DOCK5: variants seen among roughly 807,000 people sequenced by gnomAD.
The protein encoded by DOCK5 is dedicator of cytokinesis protein 5.
In DOCK5, 142 loss-of-function variants were observed where a neutral mutation model predicts 251.8. The observed-to-expected ratio is 0.56, with a 90% confidence interval of 0.49 to 0.65. DOCK5 has a LOEUF of 0.65. Ranked by LOEUF, DOCK5 falls within the 30% of genes least tolerant of loss-of-function variation. The pLI is 0.00. For missense variants in DOCK5, 2,111 were observed against 2,312.3 expected, an observed-to-expected ratio of 0.91 and a Z score of 1.79; for synonymous variants, 842 against 835.5, an observed-to-expected ratio of 1.01 and a Z score of -0.13.
At chr8:25,310,074 C>T (rs1485853693) in intron 12 of DOCK5, among the ~76,000 whole-genome samples, 2 of 151,952 alleles carry the variant, frequency 1.3e-5, no homozygotes, top group Non-Finnish European at 2.9e-5. Flanking sequence ...TTGCTATATA[C>T]TATAGTGTTT....
chr8:25,249,431 A>G lies in DOCK5; in HGVS notation c.127+5674A>G, dbSNP rs547823455. On this transcript the variant is annotated intron_variant, in intron 2 of 51. Transcript: ENST00000276440. ...TGCAGAGGGTTGGGCAAATATCATC[A>G]CTATCTACTTTCAGAACACTTTCAT... 8.5e-5 allele frequency among the ~76,000 whole-genome samples: 13 copies of G among 152,308 alleles called. No individual in the cohort carries two copies. The South Asian group carries it at 2.5e-3, about 29-fold the overall frequency.
At position 25,332,263 on chromosome 8, in the gene DOCK5, G is replaced by T; in HGVS notation, c.1916G>T (p.Gly639Val). 1 of 1,613,434 alleles carries T rather than the reference G, an allele frequency of 6.2e-7. No homozygotes were observed. ...TKLTQNVDLL[G>V]LLNWRSNSQN... ...TTGTTCTTCCTAGTTGACCTGTTAG[G>T]CTTGTTAAATTGGCGTTCCAACTCC... The change falls in exon 19 of 52, where the codon GGC becomes GTC. Residue 639 changes from glycine to valine, a missense_variant. Gly to Val is a moderately radical substitution (Grantham distance 109, BLOSUM62 -3). This residue lies in a region of DOCK5 where 1,717 missense variants were observed against 1,892.4 expected (regional missense o/e 0.91). Coordinates refer to ENST00000276440, the MANE Select transcript of DOCK5 (RefSeq NM_024940.8).
At chr8:25,395,930 G>A in intron 45 of DOCK5, 4 of 673,110 alleles carry the variant, frequency 5.9e-6, no homozygotes, top group Non-Finnish European at 7.8e-6. Context: ...ACCTAGTAAA[G>A]CGTCACAGAA....
chr8:25,256,343 A>G (rs1803419982), intron 2 of DOCK5, among the ~76,000 whole-genome samples: 1 of 152,194 alleles, frequency 6.6e-6, no homozygotes, highest in Non-Finnish European at 1.5e-5. Flanking sequence ...ATGCCAGTGT[A>G]AGAATCTGTT....
At chr8:25,271,019 CT>C in intron 3 of DOCK5, 1 of 440,190 alleles carries the variant, frequency 2.3e-6, no homozygotes, top group Non-Finnish European at 4.0e-6. Flanking sequence ...CTTTTTTTTT[CT>C]ATATTTTTAA....
intron 22 of DOCK5, among the ~76,000 whole-genome samples, chr8:25,338,629 T>C (rs541238034): frequency 6.6e-6 from 1 of 152,336 alleles, no homozygotes; most frequent in East Asian, 1.9e-4. Context: ...ATTTGCTTTC[T>C]TTTCAGAAGG....
rs189312442 is a variant in DOCK5, at chr8:25,263,098, C to A, written c.128-5747C>A. 2.2e-3 allele frequency among the ~76,000 whole-genome samples: 339 copies of A among 152,010 alleles called. 11 individuals are homozygous for A. Among genetic ancestry groups the A allele is most frequent in the African/African-American group, 8.0e-3 (331 of 41,294 alleles). Reference sequence around the variant, plus strand: ...TTCTTCATTCTCTGTGAATTTACCTCTATTTCATACTCAAGGTTGCTGACA... The same window carrying A: ...TTCTTCATTCTCTGTGAATTTACCTATATTTCATACTCAAGGTTGCTGACA... On this transcript the variant is annotated intron_variant, in intron 2 of 51. Coordinates refer to ENST00000276440, the MANE Select transcript of DOCK5 (RefSeq NM_024940.8).
At chr8:25,248,713 T>G (rs1803186913) in intron 2 of DOCK5, among the ~76,000 whole-genome samples, 1 of 152,182 alleles carries the variant, frequency 6.6e-6, no homozygotes, top group Non-Finnish European at 1.5e-5. Context: ...ATTGGCTCCT[T>G]GAAGGCAAAG....
At position 25,296,564 on chromosome 8, in the gene DOCK5, C is replaced by A. The variant is rs150049709; in HGVS notation, c.522C>A (p.Asp174Glu). 6.2e-6 allele frequency: 10 copies of A among 1,612,212 alleles called. No homozygotes were observed. The East Asian group carries it at 2.2e-4, about 36-fold the overall frequency. Residue 174 changes from aspartate (D) to glutamate (E), a missense_variant, in exon 7 of 52, where the codon GAC (aspartate) becomes GAA (glutamate). Transcript: ENST00000276440. ...GAGATGACAATGGGAACATCCTAGA[C>A]CCTGACGAAACCAGCACCATTGCCC... ...VVRDDNGNIL[D>E]PDETSTIALF...
intron 2 of DOCK5, among the ~76,000 whole-genome samples, chr8:25,254,839 A>G (rs1418863500): frequency 6.6e-6 from 1 of 151,502 alleles, no homozygotes; most frequent in Non-Finnish European, 1.5e-5. Flanking sequence ...AAAACGTATA[A>G]AGAGCTTTAA....
intron 1 of DOCK5, among the ~76,000 whole-genome samples, chr8:25,241,717 G>A (rs1014102563): frequency 1.3e-5 from 2 of 152,110 alleles, no homozygotes; most frequent in African/African-American, 4.8e-5. Context: ...GTTTATTGTG[G>A]CACTATTCAC....
In DOCK5 at chr8:25,317,075, C is replaced by T. The variant is rs747918921; in HGVS notation, c.1387C>T (p.Pro463Ser). Residue 463 changes from proline to serine, a missense_variant, in exon 14 of 52, where the codon CCA becomes TCA. Physicochemically the swap from Pro to Ser is moderately conservative, Grantham distance 74. Transcript: ENST00000276440. Reference sequence around the variant, plus strand: ...GTTTGACAAAGGGAAGAAGAAGACGCCAAAGAATGTGGAGGTGACGATGTC... The same window carrying T: ...GTTTGACAAAGGGAAGAAGAAGACGTCAAAGAATGTGGAGGTGACGATGTC... ...GEFDKGKKKT[P>S]KNVEVTMSVH... 6.2e-7 allele frequency: 1 copy of T among 1,613,872 alleles called. No homozygotes were observed. The highest frequency in any genetic ancestry group is 1.1e-5 in the South Asian group (1 of 91,074).
chr8:25,401,828 T>C (rs983313039), intron 47 of DOCK5, among the ~76,000 whole-genome samples: 1 of 152,218 alleles, frequency 6.6e-6, no homozygotes, highest in African/African-American at 2.4e-5. Flanking sequence ...CTTACATTTT[T>C]TCCTAATCTT....
At chr8:25,346,597 G>A (rs1455944618) in intron 26 of DOCK5, among the ~76,000 whole-genome samples, 2 of 97,658 alleles carry the variant, frequency 2.0e-5, no homozygotes, top group Non-Finnish European at 4.3e-5. Flanking sequence ...AGGCCGAGGT[G>A]GATGGATCAC....
At chr8:25,369,525 T>C (rs754381235) in intron 33 of DOCK5, 31 bp from the exon 34 acceptor site, 3 of 1,580,052 alleles carry the variant, frequency 1.9e-6, no homozygotes, top group South Asian at 1.2e-5. Flanking sequence ...GGATGCAACA[T>C]TATCCTGTGA....
intron 48 of DOCK5, among the ~76,000 whole-genome samples, chr8:25,405,473 C>T (rs1291006686): frequency 1.3e-5 from 2 of 151,980 alleles, no homozygotes; most frequent in Non-Finnish European, 2.9e-5. Flanking sequence ...CAAATTTCCA[C>T]ATACTCTTTA....
intron 1 of DOCK5, among the ~76,000 whole-genome samples, chr8:25,233,457 A>G (rs995536363): frequency 2.0e-4 from 31 of 152,188 alleles, no homozygotes; most frequent in African/African-American, 7.2e-4. Context: ...AACCTTTTTG[A>G]TTGTGTACTT....
At chr8:25,354,708 A>G (rs1472241286) in intron 27 of DOCK5, among the ~76,000 whole-genome samples, 6 of 152,254 alleles carry the variant, frequency 3.9e-5, no homozygotes, top group Admixed American at 3.9e-4. Context: ...AAGAAAATCT[A>G]CATGGCTTGA....
intron 8 of DOCK5, 133 bp downstream of exon 8, chr8:25,299,234 A>T: frequency 9.3e-7 from 1 of 1,075,022 alleles, no homozygotes; most frequent in Non-Finnish European, 1.3e-6. Flanking sequence ...TAAGCAGTAG[A>T]ATGTAAAATC....
Sources: gnomAD v4.1 joint callset for allele counts (sites outside exome capture counted in the v4.1 genomes callset) on GRCh38, gnomAD v4.1.1 for gene constraint, gnomAD v4.1.1 regional missense constraint, MANE v1.5 for transcripts, NCBI Gene and HGNC (gene_info 2026-07-23, HGNC 2026-07-21) for gene names.